The following EBF1 variants were observed in gnomAD, a reference collection of about 807,000 sequenced individuals.
EBF1 encodes the protein transcription factor COE1.
EBF1 carries 10 observed loss-of-function variants against 68.4 expected under a neutral mutation model. The ratio of observed to expected loss-of-function variants is 0.15; its 90% CI spans 0.09 to 0.25. The LOEUF (loss-of-function observed/expected upper bound fraction) is 0.25, where lower values mean the gene tolerates loss of function less well. Among genes scored for constraint, EBF1 ranks in the 10% least tolerant of loss-of-function variants. The probability of loss-of-function intolerance (pLI) is 1.00; values close to 1 mark genes in which losing one functional copy is unlikely to be tolerated. For missense variants in EBF1, 509 were observed against 794.4 expected, an observed-to-expected ratio of 0.64 and a Z score of 4.32; for synonymous variants, 298 against 299.8, an observed-to-expected ratio of 0.99 and a Z score of 0.06.
chr5:159,079,510 G>C (rs1423331107), intron 5 of EBF1, among the ~76,000 whole-genome samples: 1 of 151,736 alleles, frequency 6.6e-6, no homozygotes, highest in East Asian at 1.9e-4. Context: ...GTTTACCAGT[G>C]ACTGTCTGGT....
chr5:158,945,820 A>G (rs1814533200), intron 6 of EBF1, among the ~76,000 whole-genome samples: 1 of 152,176 alleles, frequency 6.6e-6, no homozygotes, highest in Non-Finnish European at 1.5e-5. Context: ...AGGTACACCA[A>G]TCAGACATAG....
At chr5:159,005,139 A>G (rs1763304600) in intron 6 of EBF1, among the ~76,000 whole-genome samples, 1 of 152,188 alleles carries the variant, frequency 6.6e-6, no homozygotes, top group African/African-American at 2.4e-5. Context: ...AGAACATCCC[A>G]CAAGGGAGGA....
chr5:158,757,556 T>G (rs1770395392), intron 10 of EBF1, among the ~76,000 whole-genome samples: 1 of 152,180 alleles, frequency 6.6e-6, no homozygotes, highest in Non-Finnish European at 1.5e-5. Context: ...TGGGGCACAG[T>G]GCAACATTTC....
chr5:158,745,896 G>T (rs373211957), intron 10 of EBF1, among the ~76,000 whole-genome samples: 1 of 152,224 alleles, frequency 6.6e-6, no homozygotes, highest in African/African-American at 2.4e-5. Context: ...TTTCTTTCAC[G>T]TGCCATCCCA....
intron 10 of EBF1, among the ~76,000 whole-genome samples, chr5:158,746,666 C>A (rs1767649250): frequency 6.6e-6 from 1 of 152,092 alleles, no homozygotes; most frequent in South Asian, 2.1e-4. Flanking sequence ...AGTGACCTTC[C>A]TTCTATACTC....
chr5:158,927,326 C>T (rs1362897051), intron 6 of EBF1, among the ~76,000 whole-genome samples: 2 of 152,190 alleles, frequency 1.3e-5, no homozygotes, highest in Non-Finnish European at 2.9e-5. Context: ...ACTAGATCTT[C>T]TATCATGAAT....
chr5:159,024,813 T>C (rs568521282), intron 6 of EBF1, among the ~76,000 whole-genome samples: 2 of 152,336 alleles, frequency 1.3e-5, no homozygotes, highest in South Asian at 2.1e-4. Flanking sequence ...TCCATAGCCA[T>C]TGAGTCTGGA....
chr5:159,053,155 C>T (rs1354001467), intron 6 of EBF1, among the ~76,000 whole-genome samples: 1 of 152,198 alleles, frequency 6.6e-6, no homozygotes, highest in South Asian at 2.1e-4. Flanking sequence ...GGGTCAGACA[C>T]TGCAAGGTTG....
chr5:158,810,292 T>C (rs1011144677), intron 8 of EBF1, among the ~76,000 whole-genome samples: 3 of 152,174 alleles, frequency 2.0e-5, no homozygotes, highest in African/African-American at 7.2e-5. Flanking sequence ...CAGCACATAG[T>C]AGGTGCTCAG....
intron 6 of EBF1, among the ~76,000 whole-genome samples, chr5:158,881,886 G>A (rs186454914): frequency 4.1e-4 from 63 of 152,240 alleles, no homozygotes; most frequent in Non-Finnish European, 1.3e-4. Context: ...GGGCAGGAGG[G>A]GCTCAGAAGA....
At chr5:158,709,839 TTAAATA>T (rs763864199) in intron 14 of EBF1, among the ~76,000 whole-genome samples, 64 of 152,254 alleles carry the variant, frequency 4.2e-4, no homozygotes, top group Non-Finnish European at 7.5e-4. Context: ...GGTTTGATTT[TTAAATA>T]TTCGTAGACT....
At chr5:159,059,385 C>A (rs542495543) in intron 6 of EBF1, among the ~76,000 whole-genome samples, 5 of 151,832 alleles carry the variant, frequency 3.3e-5, no homozygotes, top group South Asian at 4.2e-4. Context: ...ACTAACATTT[C>A]ACGAGTAATG....
At chr5:158,959,983 A>T (rs1411599101) in intron 6 of EBF1, among the ~76,000 whole-genome samples, 2 of 152,196 alleles carry the variant, frequency 1.3e-5, no homozygotes, top group African/African-American at 2.4e-5. Flanking sequence ...AAATAGCAGA[A>T]TTGACACCTA....
intron 6 of EBF1, among the ~76,000 whole-genome samples, chr5:158,881,979 T>C (rs1460042163): frequency 1.3e-5 from 2 of 152,210 alleles, no homozygotes; most frequent in African/African-American, 2.4e-5. Flanking sequence ...TAAAAATACA[T>C]GTGACGAAAC....
At position 158,916,691 on chromosome 5, in the gene EBF1, G is replaced by C. The variant is rs558630608; in HGVS notation, c.555-76581C>G. Among the ~76,000 whole-genome samples the C allele has an allele frequency of 2.6e-5, 4 of 152,248 alleles. No homozygotes were observed. In the East Asian group the frequency reaches 7.7e-4, roughly 29 times the overall value. ...AAGCTGTTAACCTAATATGTACTCTGGGCTGACTTCCATGTTATAACTGTG... is the reference window on the plus strand; with the variant it reads ...AAGCTGTTAACCTAATATGTACTCTCGGCTGACTTCCATGTTATAACTGTG... On this transcript the variant is annotated intron_variant, in intron 6 of 15. Coordinates refer to ENST00000313708, the MANE Select transcript of EBF1 (RefSeq NM_024007.5).
chr5:158,933,748 C>G (rs377291921), intron 6 of EBF1, among the ~76,000 whole-genome samples: 2 of 152,318 alleles, frequency 1.3e-5, no homozygotes, highest in South Asian at 4.1e-4. Context: ...TAACACAGAG[C>G]TGGAGAAATA....
intron 10 of EBF1, among the ~76,000 whole-genome samples, chr5:158,767,140 T>G (rs1581704668): frequency 1.3e-5 from 2 of 152,168 alleles, no homozygotes; most frequent in East Asian, 3.9e-4. Flanking sequence ...ATCTCATGCC[T>G]TAGATTGTGA....
At chr5:159,066,582 A>AT (rs1161434956) in intron 6 of EBF1, among the ~76,000 whole-genome samples, 82 of 145,896 alleles carry the variant, frequency 5.6e-4, no homozygotes, top group African/African-American at 1.4e-3. Flanking sequence ...TGTAACAAAG[A>AT]TTTTTTTTTT....
At chr5:158,969,771 G>C (rs1269977386) in intron 6 of EBF1, among the ~76,000 whole-genome samples, 2 of 148,676 alleles carry the variant, frequency 1.3e-5, no homozygotes, top group Admixed American at 1.4e-4. Context: ...TGAGACTCTG[G>C]AAAGAAAGAA....
Sources: allele counts gnomAD v4.1 joint callset (sites outside exome capture counted in the v4.1 genomes callset), GRCh38; gene constraint gnomAD v4.1.1; transcripts MANE v1.5; gene names NCBI Gene and HGNC (gene_info 2026-07-23, HGNC 2026-07-21).